The following AKAP12 variants were observed in gnomAD, a reference collection of about 807,000 sequenced individuals.
AKAP12 encodes A-kinase anchor protein 12.
In AKAP12, 32 loss-of-function variants were observed where a neutral mutation model predicts 79.9. That is an observed-to-expected ratio of 0.40 (90% CI 0.30 to 0.54). The LOEUF is 0.54. Among genes scored for constraint, AKAP12 ranks in the 20% least tolerant of loss-of-function variants. The pLI, the probability that AKAP12 is intolerant of heterozygous loss-of-function variation, is 0.48. For synonymous variants in AKAP12, 808 were observed against 857.0 expected, an observed-to-expected ratio of 0.94 and a Z score of 1.00; for missense variants, 2,074 against 2,177.0, an observed-to-expected ratio of 0.95 and a Z score of 0.94.
Position 151,291,714 on chromosome 6 carries a change from G to GGA in AKAP12, c.163-14032_163-14031insAG, listed in dbSNP as rs561964311. On this transcript the variant is annotated intron_variant, in intron 2 of 4. Transcript: ENST00000402676. ...GGACCCTAAATGGATTCTCCACAAT[G>GGA]GCATCTGCAAGTCCATTATCAGCTA... Among the ~76,000 whole-genome samples the GGA allele has an allele frequency of 2.6e-3, 403 of 152,304 alleles. 1 individual carries two copies. Among genetic ancestry groups the GGA allele is most frequent in the African/African-American group, 9.5e-3 (396 of 41,554 alleles).
Position 151,349,613 on chromosome 6 carries a change from A to C in AKAP12, c.1222A>C (p.Ile408Leu). Residue 408 changes from isoleucine to leucine, a missense_variant, in exon 4 of 5, where the codon ATA becomes CTA. By Grantham distance (5) the Ile-to-Leu change is conservative (BLOSUM62 2). Transcript: ENST00000402676. Reference protein sequence around the residue: ...PLATEVFDEKIEVHQEEVVAE... With the variant: ...PLATEVFDEKLEVHQEEVVAE... ...GGCGACAGAAGTGTTTGATGAGAAA[A>C]TAGAAGTCCACCAAGAAGAGGTTGT... The C allele has an allele frequency of 2.5e-6, 4 of 1,611,216 alleles. No homozygotes were observed. Among genetic ancestry groups the C allele is most frequent in the Non-Finnish European group, 3.4e-6 (4 of 1,179,180 alleles).
chr6:151,243,238 G>A (rs1797011640), intron 2 of AKAP12, among the ~76,000 whole-genome samples: 1 of 152,210 alleles, frequency 6.6e-6, no homozygotes, highest in Non-Finnish European at 1.5e-5. Context: ...CTTCCTTGAT[G>A]TGTCTGTGGA....
intron 2 of AKAP12, among the ~76,000 whole-genome samples, chr6:151,273,476 C>T (rs1055011871): frequency 6.6e-6 from 1 of 152,196 alleles, no homozygotes; most frequent in Non-Finnish European, 1.5e-5. Context: ...TGGTGACTTT[C>T]TCATCTGTTA....
chr6:151,347,187 C>T (rs76542037), intron 3 of AKAP12, among the ~76,000 whole-genome samples: 4 of 152,224 alleles, frequency 2.6e-5, no homozygotes, highest in Non-Finnish European at 5.9e-5. Flanking sequence ...CCTTTTGACA[C>T]CTCCATCAGC....
intron 3 of AKAP12, among the ~76,000 whole-genome samples, chr6:151,321,398 C>T (rs939489368): frequency 3.3e-5 from 5 of 152,160 alleles, no homozygotes; most frequent in African/African-American, 9.7e-5. Flanking sequence ...TCTATGGATT[C>T]GCCTCTTGTA....
intron 4 of AKAP12, among the ~76,000 whole-genome samples, 196 bp downstream of exon 4, chr6:151,353,948 C>T (rs184798088): frequency 2.0e-5 from 3 of 152,098 alleles, no homozygotes; most frequent in East Asian, 1.9e-4. Context: ...TTAGTCTTAT[C>T]GATGTTATGA....
chr6:151,276,916 G>A (rs1162275502), intron 2 of AKAP12, among the ~76,000 whole-genome samples: 1 of 152,184 alleles, frequency 6.6e-6, no homozygotes. Flanking sequence ...GAAGGATTGA[G>A]TTTTTCTTGG....
chr6:151,247,739 A>T (rs1451329451), intron 2 of AKAP12, among the ~76,000 whole-genome samples: 3 of 152,214 alleles, frequency 2.0e-5, no homozygotes, highest in African/African-American at 7.2e-5. Flanking sequence ...AATAGAGTGA[A>T]GGCTTACCCG....
At chr6:151,333,769 G>T (rs1443758787) in intron 3 of AKAP12, among the ~76,000 whole-genome samples, 1 of 151,088 alleles carries the variant, frequency 6.6e-6, no homozygotes, top group Non-Finnish European at 1.5e-5. Flanking sequence ...AAAGGTTTCT[G>T]CTCACCACAA....
At chr6:151,323,798 T>A in intron 3 of AKAP12, 6 of 985,420 alleles carry the variant, frequency 6.1e-6, no homozygotes, top group Non-Finnish European at 7.2e-6. Flanking sequence ...TGGAGATTCA[T>A]TCTGCTCTGC....
At chr6:151,296,294 C>G (rs1328126063) in intron 2 of AKAP12, among the ~76,000 whole-genome samples, 1 of 152,190 alleles carries the variant, frequency 6.6e-6, no homozygotes, top group African/African-American at 2.4e-5. Flanking sequence ...GCTTTTGACT[C>G]TATGCTTTGA....
intron 3 of AKAP12, among the ~76,000 whole-genome samples, chr6:151,309,361 C>T (rs777393768): frequency 2.0e-5 from 3 of 152,120 alleles, no homozygotes; most frequent in Non-Finnish European, 4.4e-5. Context: ...GGAGGACTGG[C>T]CCACAGTGGA....
At chr6:151,280,792 C>T (rs1776389436) in intron 2 of AKAP12, among the ~76,000 whole-genome samples, 1 of 151,940 alleles carries the variant, frequency 6.6e-6, no homozygotes, top group African/African-American at 2.4e-5. Context: ...AGTTGTAGGC[C>T]ATCACGCCCA....
chr6:151,344,167 T>A (rs6941075), intron 3 of AKAP12, among the ~76,000 whole-genome samples: 116,421 of 152,122 alleles, frequency 0.77, 44,822 homozygotes, highest in Admixed American at 0.8. Flanking sequence ...TGGGTTTTTC[T>A]TGAAATCTTC....
At chr6:151,305,558 A>G (rs79937049) in intron 2 of AKAP12, among the ~76,000 whole-genome samples, 189 bp from the exon 3 acceptor site, 2,413 of 152,292 alleles carry the variant, frequency 0.016, 70 homozygotes, top group African/African-American at 0.055. Context: ...ACCCAGATAC[A>G]AGGCCCTATC....
chr6:151,247,769 C>G, intron 2 of AKAP12, among the ~76,000 whole-genome samples: 1 of 152,320 alleles, frequency 6.6e-6, no homozygotes, highest in East Asian at 1.9e-4. Context: ...CCCGTTCTCA[C>G]GGCAAACAGC....
In AKAP12 at chr6:151,240,580, C is replaced by T. The variant is rs754458689; in HGVS notation, c.18C>T (p.Ser6=). The T allele has an allele frequency of 4.6e-4, 666 of 1,447,740 alleles. No homozygotes were observed. The highest frequency in any genetic ancestry group is 5.7e-4 in the Non-Finnish European group (635 of 1,106,892). 89.7% of individuals were successfully genotyped at this position (1,447,740 alleles called of 1,614,324 possible). The change falls in exon 2 of 5, where the codon TCC becomes TCT. Residue 6 remains serine, a synonymous_variant. Transcript: ENST00000402676. The part of the protein sequence containing the change: MGAGS[S]TEQRSPEQPP... ...GAGGAGCCATGGGCGCCGGGAGCTC[C>T]ACCGAGCAGCGCAGCCCGGAGCAGC...
In AKAP12 at chr6:151,333,873, T is replaced by C. The variant is rs867351868; in HGVS notation, c.320-14838T>C. Among the ~76,000 whole-genome samples, 20 of 152,088 alleles carry C rather than the reference T, an allele frequency of 1.3e-4. No individual in the cohort carries two copies. In the South Asian group the frequency reaches 3.3e-3, roughly 25 times the overall value. On this transcript the variant is annotated intron_variant, in intron 3 of 4. Coordinates refer to ENST00000402676, the MANE Select transcript of AKAP12 (RefSeq NM_005100.4). ...GGTGATTTTGGTGTGTCATGTACAG[T>C]TGGGCTGGGGAAAGCGAAAAAAGTG... is the stretch of plus-strand genomic sequence containing the variant.
At chr6:151,334,698 G>A (rs1244812565) in intron 3 of AKAP12, among the ~76,000 whole-genome samples, 1 of 151,114 alleles carries the variant, frequency 6.6e-6, no homozygotes, top group African/African-American at 2.4e-5. Flanking sequence ...CTCGGCTCAC[G>A]GCAAGCTCCG....
Sources: allele counts gnomAD v4.1 joint callset (sites outside exome capture counted in the v4.1 genomes callset), GRCh38; gene constraint gnomAD v4.1.1; transcripts MANE v1.5; gene names NCBI Gene and HGNC (gene_info 2026-07-23, HGNC 2026-07-21).